SYCP1: variants seen among roughly 807,000 people sequenced by gnomAD.
The protein encoded by SYCP1 is cancer/testis antigen 8.
In SYCP1, 64 loss-of-function variants were observed where a neutral mutation model predicts 153.1. That is an observed-to-expected ratio of 0.42 (90% CI 0.34 to 0.51). The LOEUF (loss-of-function observed/expected upper bound fraction) is 0.51, where lower values mean the gene tolerates loss of function less well. Among genes scored for constraint, SYCP1 ranks in the 20% least tolerant of loss-of-function variants. The pLI, the probability that SYCP1 is intolerant of heterozygous loss-of-function variation, is 0.06. For missense variants in SYCP1, 997 were observed against 1,049.0 expected, an observed-to-expected ratio of 0.95 and a Z score of 0.68; for synonymous variants, 384 against 341.8, an observed-to-expected ratio of 1.12 and a Z score of -1.36.
chr1:114,911,858 C>T (rs999716220), intron 18 of SYCP1, among the ~76,000 whole-genome samples: 1 of 151,860 alleles, frequency 6.6e-6, no homozygotes, highest in African/African-American at 2.4e-5. Context: ...TAATCATTTT[C>T]AGTTCTAACT....
At chr1:114,936,987 T>C (rs1248100824) in intron 23 of SYCP1, among the ~76,000 whole-genome samples, 1 of 152,152 alleles carries the variant, frequency 6.6e-6, no homozygotes, top group Admixed American at 6.5e-5. Flanking sequence ...ATTTATAGGT[T>C]CAATGCCATC....
At chr1:114,900,904 T>A (rs1667401222) in intron 16 of SYCP1, among the ~76,000 whole-genome samples, 1 of 152,244 alleles carries the variant, frequency 6.6e-6, no homozygotes, top group African/African-American at 2.4e-5. Context: ...CACCTATTTA[T>A]ATTTTGATGA....
At chr1:114,925,762 G>A (rs1202601334) in intron 21 of SYCP1, among the ~76,000 whole-genome samples, 1 of 151,980 alleles carries the variant, frequency 6.6e-6, no homozygotes, top group Non-Finnish European at 1.5e-5. Context: ...TAAAAAATTC[G>A]AGATAAACTG....
At chr1:114,962,173 CAG>C (rs1671825406) in intron 27 of SYCP1, among the ~76,000 whole-genome samples, 1 of 151,826 alleles carries the variant, frequency 6.6e-6, no homozygotes, top group African/African-American at 2.4e-5. Context: ...TTAGTAGAGA[CAG>C]GGTTTCGCTG....
At chr1:114,979,466 T>C (rs868229746) in intron 28 of SYCP1, among the ~76,000 whole-genome samples, 1 of 151,862 alleles carries the variant, frequency 6.6e-6, no homozygotes. Flanking sequence ...ACCAGCGAAA[T>C]GTCAAATTCC....
intron 16 of SYCP1, among the ~76,000 whole-genome samples, chr1:114,900,606 A>T (rs550000054): frequency 1.3e-5 from 2 of 152,310 alleles, no homozygotes; most frequent in East Asian, 3.9e-4. Context: ...TTAAAAACAC[A>T]TTTTACTGTT....
chr1:114,923,752 A>G (rs987264569), intron 21 of SYCP1: 1 of 309,762 alleles, frequency 3.2e-6, no homozygotes, highest in African/African-American at 2.2e-5. Context: ...TTTTCTTTTA[A>G]CGTGTTAAAT....
intron 8 of SYCP1, among the ~76,000 whole-genome samples, chr1:114,862,638 G>A (rs1318782191): frequency 6.6e-6 from 1 of 152,078 alleles, no homozygotes; most frequent in East Asian, 1.9e-4. Context: ...TGCGCTGGGC[G>A]ATAGTTCTTT....
chr1:114,948,267 T>C (rs922322665), intron 27 of SYCP1, among the ~76,000 whole-genome samples: 1 of 152,176 alleles, frequency 6.6e-6, no homozygotes, highest in Non-Finnish European at 1.5e-5. Context: ...GAACTGTGTT[T>C]AGTACCCTAC....
chr1:114,856,764 C>G (rs1373258590), intron 3 of SYCP1, 107 bp downstream of exon 3: 2 of 814,144 alleles, frequency 2.5e-6, no homozygotes, highest in Non-Finnish European at 1.9e-6. Flanking sequence ...ATAATTGACA[C>G]AAAAGCTAGA....
At chr1:114,923,309 A>G (rs1348777541) in intron 20 of SYCP1, 140 bp from the exon 21 acceptor site, 1 of 828,812 alleles carries the variant, frequency 1.2e-6, no homozygotes, top group South Asian at 2.0e-5. Context: ...GTTTGTACTT[A>G]TATTATGAAG....
chr1:114,989,547 T>C (rs1673775517), intron 30 of SYCP1, among the ~76,000 whole-genome samples: 2 of 151,950 alleles, frequency 1.3e-5, no homozygotes, highest in Non-Finnish European at 2.9e-5. Context: ...GATTATACTC[T>C]CCTATCAAAA....
rs1669392589 is a variant in SYCP1, at chr1:114,928,348, T to C, written c.1926+1785T>C. On this transcript the variant is annotated intron_variant, in intron 23 of 31. Coordinates refer to ENST00000369522, the MANE Select transcript of SYCP1 (RefSeq NM_003176.4). Reference sequence around the variant, plus strand: ...GTGACACAGATGATGGCTGACCTTGTATCAGGACAGTGAAGGTCAGATGAC... The same window carrying C: ...GTGACACAGATGATGGCTGACCTTGCATCAGGACAGTGAAGGTCAGATGAC... Among the ~76,000 whole-genome samples the C allele has an allele frequency of 2.0e-5, 3 of 152,308 alleles. No homozygotes were observed. The South Asian group carries it at 6.2e-4, about 32-fold the overall frequency.
intron 24 of SYCP1, 43 bp from the exon 25 acceptor site, chr1:114,944,829 T>G (rs369555896): frequency 1.8e-4 from 245 of 1,352,122 alleles, no homozygotes; most frequent in Non-Finnish European, 2.2e-4. Context: ...TTGTTTTTTG[T>G]GCATTTATTT....
intron 27 of SYCP1, among the ~76,000 whole-genome samples, chr1:114,947,696 C>T (rs951385299): frequency 6.6e-6 from 1 of 150,692 alleles, no homozygotes; most frequent in Non-Finnish European, 1.5e-5. Context: ...GCCTGTAGTC[C>T]CAGCTACTCG....
chr1:114,867,950 A>G (rs1055822763), intron 8 of SYCP1, among the ~76,000 whole-genome samples: 9 of 151,968 alleles, frequency 5.9e-5, no homozygotes, highest in Admixed American at 3.9e-4. Flanking sequence ...TAGTTTACTA[A>G]AAGTTTTTAT....
chr1:114,869,417 T>G lies in SYCP1; in HGVS notation c.599-5089T>G, dbSNP rs535735023. 1.3e-3 allele frequency among the ~76,000 whole-genome samples: 191 copies of G among 152,320 alleles called. 2 individuals are homozygous for G. The highest frequency in any genetic ancestry group is 4.4e-3 in the African/African-American group (182 of 41,564). Reference sequence around the variant, plus strand: ...GCAGATACTGTACAATTTATAATCTTTTAAATTTGTTAAGGTGTGTCTTAT... The same window carrying G: ...GCAGATACTGTACAATTTATAATCTGTTAAATTTGTTAAGGTGTGTCTTAT... On this transcript the variant is annotated intron_variant, in intron 8 of 31. Transcript: ENST00000369522.
intron 23 of SYCP1, among the ~76,000 whole-genome samples, chr1:114,939,289 T>C (rs1231039305): frequency 6.6e-6 from 1 of 152,186 alleles, no homozygotes; most frequent in Non-Finnish European, 1.5e-5. Context: ...CAACAATTAT[T>C]TTCCTAGATA....
At chr1:114,923,082 G>C (rs1669001786) in intron 20 of SYCP1, among the ~76,000 whole-genome samples, 1 of 152,106 alleles carries the variant, frequency 6.6e-6, no homozygotes, top group Admixed American at 6.6e-5. Context: ...CTCTGCCCCT[G>C]TTGCTTTGTA....
Sources: allele counts gnomAD v4.1 joint callset (sites outside exome capture counted in the v4.1 genomes callset), GRCh38; gene constraint gnomAD v4.1.1; transcripts MANE v1.5; gene names NCBI Gene and HGNC (gene_info 2026-07-23, HGNC 2026-07-21).